Variants in RASGRF1 observed in about 807,000 individuals in gnomAD.
RASGRF1 encodes the protein ras-specific guanine nucleotide-releasing factor 1.
RASGRF1 carries 40 observed loss-of-function variants against 138.7 expected under a neutral mutation model. The observed-to-expected ratio is 0.29, with a 90% confidence interval of 0.22 to 0.38. RASGRF1 has a LOEUF of 0.38. RASGRF1 is among the 10% of genes least tolerant of loss of function. RASGRF1 has a pLI of 1.00. For missense variants in RASGRF1, 1,108 were observed against 1,650.4 expected, an observed-to-expected ratio of 0.67 and a Z score of 5.69; for synonymous variants, 614 against 663.2, an observed-to-expected ratio of 0.93 and a Z score of 1.14.
chr15:79,014,636 C>A (rs536797289), intron 13 of RASGRF1, among the ~76,000 whole-genome samples: 2 of 152,008 alleles, frequency 1.3e-5, no homozygotes, highest in Admixed American at 1.3e-4. Context: ...AAATTGGAGC[C>A]GGAGGCGGTG....
intron 13 of RASGRF1, among the ~76,000 whole-genome samples, chr15:79,014,952 CAAACA>C (rs1346776843): frequency 1.0e-4 from 15 of 149,274 alleles, no homozygotes; most frequent in African/African-American, 1.7e-4. Context: ...AAACAAAAAA[CAAACA>C]AAACAAAACA....
intron 5 of RASGRF1, among the ~76,000 whole-genome samples, chr15:79,041,252 G>T (rs1169611966): frequency 6.6e-6 from 1 of 152,194 alleles, no homozygotes; most frequent in Non-Finnish European, 1.5e-5. Context: ...AACAGAAATG[G>T]TATGTCCCAC....
intron 26 of RASGRF1, among the ~76,000 whole-genome samples, chr15:78,968,908 C>T (rs1441034601): frequency 6.6e-6 from 1 of 152,184 alleles, no homozygotes; most frequent in Non-Finnish European, 1.5e-5. Context: ...TTTGGCCGGA[C>T]TTTAATAAAA....
intron 14 of RASGRF1, chr15:79,005,336 G>A: frequency 2.0e-6 from 2 of 985,430 alleles, no homozygotes; most frequent in Non-Finnish European, 2.4e-6. Flanking sequence ...CAGGAGCTCT[G>A]CTCCAGGCAG....
intron 20 of RASGRF1, among the ~76,000 whole-genome samples, chr15:78,992,594 G>A (rs777256465): frequency 6.6e-6 from 1 of 152,104 alleles, no homozygotes; most frequent in Non-Finnish European, 1.5e-5. Context: ...GGAGGAGCCT[G>A]TTAGGAACAA....
rs376020482 is a variant in RASGRF1, at chr15:78,999,860, G to A, written c.2629C>T (p.Leu877=). 1.2e-6 allele frequency: 2 copies of A among 1,614,208 alleles called. No individual in the cohort carries two copies. The highest frequency in any genetic ancestry group is 2.2e-5 in the South Asian group (2 of 91,088). Residue 877 remains leucine (L), a synonymous_variant, in exon 17 of 27, where the codon CTG becomes TTG. Transcript: ENST00000558480. ...NGVVMTSCRE[L]DNNRSALSAA... is the part of the protein sequence containing the mutation. ...GACAAGGCACTGCGGTTATTGTCCA[G>A]TTCACGACAGGAGGTCATGACGACT...
At chr15:79,029,241 GC>G (rs1226256260) in intron 8 of RASGRF1, among the ~76,000 whole-genome samples, 1 of 152,098 alleles carries the variant, frequency 6.6e-6, no homozygotes, top group South Asian at 2.1e-4. Flanking sequence ...CTTCTTGGAA[GC>G]CCAGACCCCT....
At chr15:79,076,732 T>C (rs1325785865) in intron 1 of RASGRF1, among the ~76,000 whole-genome samples, 1 of 152,202 alleles carries the variant, frequency 6.6e-6, no homozygotes, top group Admixed American at 6.5e-5. Context: ...TGGGTTCCAT[T>C]AACTACCGCT....
chr15:78,962,583 A>G (rs914474823), intron 26 of RASGRF1, among the ~76,000 whole-genome samples: 1 of 152,186 alleles, frequency 6.6e-6, no homozygotes, highest in Non-Finnish European at 1.5e-5. Context: ...GTTTCTGTAT[A>G]TTTGAAAAGT....
intron 13 of RASGRF1, among the ~76,000 whole-genome samples, chr15:79,013,052 T>C (rs529889064): frequency 6.6e-6 from 1 of 152,322 alleles, no homozygotes; most frequent in East Asian, 1.9e-4. Context: ...AAACATATAA[T>C]GGTAATTCCA....
rs1461157106 is a variant in RASGRF1 at position 78,991,806 on chromosome 15, T to A, written c.3028-12A>T. The A allele has an allele frequency of 6.2e-7, 1 of 1,605,624 alleles. No individual in the cohort carries two copies. The highest frequency in any genetic ancestry group is 1.1e-5 in the South Asian group (1 of 90,854). ...TTCACGCCTTCAGCCTGGTTTTGAG[T>A]TGGGGGAGCAACATTTTGAGTTAGG... On this transcript the variant is annotated splice_polypyrimidine_tract_variant and intron_variant, in intron 20 of 26. Coordinates refer to ENST00000558480, the MANE Select transcript of RASGRF1 (RefSeq NM_001145648.3).
At chr15:78,993,269 G>GTA (rs1351533062) in intron 20 of RASGRF1, among the ~76,000 whole-genome samples, 2 of 131,026 alleles carry the variant, frequency 1.5e-5, no homozygotes, top group African/African-American at 2.9e-5. Context: ...GGTGTGGTGT[G>GTA]TGTGGTGTGT....
chr15:79,040,529 G>A (rs1567562688), intron 5 of RASGRF1, among the ~76,000 whole-genome samples: 1 of 152,204 alleles, frequency 6.6e-6, no homozygotes, highest in East Asian at 1.9e-4. Flanking sequence ...TTACCATTCT[G>A]GCCTTCTGTT....
At position 79,033,020 on chromosome 15, in the gene RASGRF1, G is replaced by A. The variant is rs557450888; in HGVS notation, c.959-704C>T. On this transcript the variant is annotated intron_variant, in intron 6 of 26. Transcript: ENST00000558480. Reference sequence around the variant, plus strand: ...AGGGATTTCCTACCATATGACACATGAGTCTCTGCTCCTTCGTTCATCTGC... The same window carrying A: ...AGGGATTTCCTACCATATGACACATAAGTCTCTGCTCCTTCGTTCATCTGC... Among the ~76,000 whole-genome samples the A allele has an allele frequency of 4.6e-5, 7 of 152,326 alleles. No individual in the cohort carries two copies. The East Asian group carries it at 1.2e-3, about 25-fold the overall frequency.
intron 20 of RASGRF1, among the ~76,000 whole-genome samples, chr15:78,995,343 G>A (rs1443989748): frequency 6.8e-6 from 1 of 146,690 alleles, no homozygotes; most frequent in Non-Finnish European, 1.5e-5. Context: ...GCTGGAGCGT[G>A]CAGTGGAGGA....
intron 23 of RASGRF1, among the ~76,000 whole-genome samples, chr15:78,982,880 T>C (rs1454268741): frequency 6.6e-6 from 1 of 151,526 alleles, no homozygotes; most frequent in African/African-American, 2.4e-5. Context: ...TCAGATCGTC[T>C]CTTGGGTTTT....
rs2055542961 is a variant in RASGRF1, at chr15:78,961,500, A to G, written c.*644T>C. Reference sequence around the variant, plus strand: ...TCATGCTATCTGGTGTTAATCCTAGAGCAAGGAGCGACGTGGGGCCTGAAC... The same window carrying G: ...TCATGCTATCTGGTGTTAATCCTAGGGCAAGGAGCGACGTGGGGCCTGAAC... On this transcript the variant is annotated 3_prime_UTR_variant, in exon 27 of 27. Coordinates refer to ENST00000558480, the MANE Select transcript of RASGRF1 (RefSeq NM_001145648.3). 1 of 152,360 alleles carries G rather than the reference A, an allele frequency of 6.6e-6. No homozygotes were observed. Among genetic ancestry groups the G allele is most frequent in the Non-Finnish European group, 1.5e-5 (1 of 68,196 alleles). 9.4% of individuals were successfully genotyped at this position (152,360 alleles called of 1,614,324 possible).
chr15:79,006,560 A>T lies in RASGRF1; in HGVS notation c.1827-126T>A. The T allele has an allele frequency of 8.3e-7, 1 of 1,199,624 alleles. No homozygotes were observed. The highest frequency in any genetic ancestry group is 1.1e-6 in the Non-Finnish European group (1 of 876,608). 74.3% of individuals were successfully genotyped at this position (1,199,624 alleles called of 1,614,324 possible). A position where few individuals can be genotyped will look rare whatever the true frequency, so the allele number is the denominator to read the frequency against. On this transcript the variant is annotated intron_variant, in intron 13 of 26. Coordinates refer to ENST00000558480, the MANE Select transcript of RASGRF1 (RefSeq NM_001145648.3). The surrounding 1 kb of genome is among the most constrained non-coding windows in gnomAD (Gnocchi z 4.0). Reference sequence around the variant, plus strand: ...ACAGGATGGTCTTATTAAGAGAACAAGCTTGGGAAGGATGACACTGAAGGA... The same window carrying T: ...ACAGGATGGTCTTATTAAGAGAACATGCTTGGGAAGGATGACACTGAAGGA...
At chr15:79,086,686 C>T (rs544372296) in intron 1 of RASGRF1, among the ~76,000 whole-genome samples, 1 of 152,192 alleles carries the variant, frequency 6.6e-6, no homozygotes, top group East Asian at 1.9e-4. Context: ...GAGCCTGGTG[C>T]CCACATTTTG....
Sources: allele counts gnomAD v4.1 joint callset (sites outside exome capture counted in the v4.1 genomes callset), GRCh38; gene constraint gnomAD v4.1.1; non-coding constraint Gnocchi (gnomAD v3.1); transcripts MANE v1.5; gene names NCBI Gene and HGNC (gene_info 2026-07-23, HGNC 2026-07-21).